The following EPB42 variants were observed in gnomAD, a reference collection of about 807,000 sequenced individuals.
EPB42 encodes protein 4.2.
In EPB42, 49 loss-of-function variants were observed where a neutral mutation model predicts 76.9. The ratio of observed to expected loss-of-function variants is 0.64; its 90% CI spans 0.51 to 0.81. EPB42 has a LOEUF of 0.81. Among genes scored for constraint, EPB42 ranks in the 30% least tolerant of loss-of-function variants. The pLI is 0.00. For synonymous variants in EPB42, 310 were observed against 338.4 expected, an observed-to-expected ratio of 0.92 and a Z score of 0.92; for missense variants, 731 against 867.6, an observed-to-expected ratio of 0.84 and a Z score of 1.98.
intron 4 of EPB42, among the ~76,000 whole-genome samples, 189 bp from the exon 5 acceptor site, chr15:43,210,628 TG>T (rs1243923228): frequency 6.6e-6 from 1 of 152,186 alleles, no homozygotes; most frequent in African/African-American, 2.4e-5. Flanking sequence ...AACCTCTCAA[TG>T]GGACCTGGGT....
chr15:43,220,649 A>AACCCC, intron 1 of EPB42, 167 bp downstream of exon 1: 31 of 388,206 alleles, frequency 8.0e-5, no homozygotes, highest in Admixed American at 1.6e-4. Flanking sequence ...CACCTACCAC[A>AACCCC]CCCCCCCCCC....
chr15:43,200,707 G>A (rs1477678679), intron 12 of EPB42, among the ~76,000 whole-genome samples: 2 of 152,174 alleles, frequency 1.3e-5, no homozygotes, highest in African/African-American at 2.4e-5. Flanking sequence ...GCTGGAGGGA[G>A]TGGAGACTCT....
At position 43,209,888 on chromosome 15, in the gene EPB42, A is replaced by C. The variant is rs149557186; in HGVS notation, c.655-437T>G. On this transcript the variant is annotated intron_variant, in intron 5 of 12. Transcript: ENST00000441366. ...GCGGCAAAGAGGGAATGGTGAACAC[A>C]TGACTCCTCTGAGAGGATTTTTAGG... Among the ~76,000 whole-genome samples the C allele has an allele frequency of 1.9e-4, 29 of 152,346 alleles. No homozygotes were observed. The East Asian group carries it at 5.6e-3, about 29-fold the overall frequency.
chr15:43,209,889 T>C (rs577982832), intron 5 of EPB42, among the ~76,000 whole-genome samples: 1 of 152,336 alleles, frequency 6.6e-6, no homozygotes, highest in African/African-American at 2.4e-5. Flanking sequence ...GGTGAACACA[T>C]GACTCCTCTG....
intron 1 of EPB42, among the ~76,000 whole-genome samples, chr15:43,217,518 C>G (rs558131589): frequency 6.8e-6 from 1 of 146,738 alleles, no homozygotes; most frequent in East Asian, 2.0e-4. Flanking sequence ...TCAGCAAGCG[C>G]AAGATAAGGA....
chr15:43,211,612 G>A, intron 3 of EPB42, 78 bp from the exon 4 acceptor site: 1 of 989,684 alleles, frequency 1.0e-6, no homozygotes, highest in Non-Finnish European at 1.6e-6. Flanking sequence ...TGTCCTCCCT[G>A]CCGAGATTAG....
chr15:43,200,610 C>A (rs967653185), intron 12 of EPB42, among the ~76,000 whole-genome samples: 1 of 152,126 alleles, frequency 6.6e-6, no homozygotes, highest in Non-Finnish European at 1.5e-5. Context: ...GATATTACTT[C>A]ATTTTTATTG....
chr15:43,221,705 G>A (rs1161165420), upstream of EPB42, among the ~76,000 whole-genome samples: 2 of 151,656 alleles, frequency 1.3e-5, no homozygotes, highest in Non-Finnish European at 2.9e-5. Context: ...AAAAATATTG[G>A]TTGCCTGTGG....
chr15:43,225,641 A>G (rs572404923), upstream of EPB42, among the ~76,000 whole-genome samples: 3 of 152,208 alleles, frequency 2.0e-5, no homozygotes, highest in Non-Finnish European at 4.4e-5. Flanking sequence ...CTTCTATTCC[A>G]GCAGGGGGAG....
chr15:43,202,004 G>A (rs1015783942), intron 11 of EPB42, 27 bp from the exon 12 acceptor site: 12 of 1,613,296 alleles, frequency 7.4e-6, no homozygotes, highest in African/African-American at 2.7e-5. Flanking sequence ...TACCTGGTGT[G>A]GATGCCAAGG....
At chr15:43,209,720 G>C in intron 5 of EPB42, 1 of 436,844 alleles carries the variant, frequency 2.3e-6, no homozygotes, top group Non-Finnish European at 4.1e-6. Flanking sequence ...CCCTTCCTTG[G>C]GGGCTGGTTT....
Position 43,211,396 on chromosome 15 carries a change from C to T in EPB42, c.549+20G>A. On this transcript the variant is annotated intron_variant, in intron 4 of 12. Transcript: ENST00000441366. ...TGGGACAGTCACTCTACACACTCCT[C>T]CCCTAGAGGGCCCTGGTACCTGGCC... 1 of 1,457,736 alleles carries T rather than the reference C, an allele frequency of 6.9e-7. No individual in the cohort carries two copies. 90.3% of individuals were successfully genotyped at this position (1,457,736 alleles called of 1,614,324 possible).
chr15:43,204,525 A>G (rs1317994343), intron 10 of EPB42, among the ~76,000 whole-genome samples: 2 of 152,088 alleles, frequency 1.3e-5, no homozygotes, highest in African/African-American at 4.8e-5. Flanking sequence ...TGCGTGTGTC[A>G]CGGGCTTTCA....
chr15:43,206,505 T>C lies in EPB42; in HGVS notation c.1443A>G (p.Ala481=). The C allele has an allele frequency of 6.2e-7, 1 of 1,614,032 alleles. No individual in the cohort carries two copies. The highest frequency in any genetic ancestry group is 8.5e-7 in the Non-Finnish European group (1 of 1,179,902). Residue 481 remains alanine, a synonymous_variant, in exon 10 of 13, where the codon GCA becomes GCG. Transcript: ENST00000441366. The surrounding 1 kb of genome is among the most constrained non-coding windows in gnomAD (Gnocchi z 4.7). The part of the protein sequence containing the change: ...TASPLYLLLK[A]PSSLPLRGDA... ...CCCCTCTCAGGGGTAGGGAGCTGGG[T>C]GCTTTCAAGAGCAGGTACAGAGGAC...
Position 43,206,234 on chromosome 15 carries a change from G to C in EPB42, c.1618+96C>G, listed in dbSNP as rs1196194236. ...GCAGGGGCTCAAAGCCATCTCTAGA[G>C]ACTGCAGGGGGTGCCCTGTGGCTGC... On this transcript the variant is annotated intron_variant, in intron 10 of 12. Transcript: ENST00000441366. The surrounding 1 kb of genome is among the most constrained non-coding windows in gnomAD (Gnocchi z 4.7). 4 of 1,317,600 alleles carry C rather than the reference G, an allele frequency of 3.0e-6. No homozygotes were observed. The highest frequency in any genetic ancestry group is 4.1e-6 in the Non-Finnish European group (4 of 972,026). 81.6% of individuals were successfully genotyped at this position (1,317,600 alleles called of 1,614,324 possible). A position where few individuals can be genotyped will look rare whatever the true frequency, so the allele number is the denominator to read the frequency against.
At chr15:43,204,073 C>T (rs77638071) in intron 10 of EPB42, among the ~76,000 whole-genome samples, 2,867 of 152,284 alleles carry the variant, frequency 0.019, 42 homozygotes, top group Middle Eastern at 0.031. Flanking sequence ...CAACTCTCTC[C>T]CTCTGCCCAG....
intron 12 of EPB42, among the ~76,000 whole-genome samples, chr15:43,200,532 C>G (rs2042109633): frequency 6.6e-6 from 1 of 152,152 alleles, no homozygotes; most frequent in Admixed American, 6.5e-5. Flanking sequence ...ATAAGACAAA[C>G]TACTTACTGA....
intron 4 of EPB42, 150 bp downstream of exon 4, chr15:43,211,266 A>G: frequency 1.3e-6 from 1 of 743,318 alleles, no homozygotes; most frequent in South Asian, 1.4e-5. Flanking sequence ...GATATGGCCC[A>G]GAGGAAGGAG....
Position 43,206,717 on chromosome 15 carries a change from A to T in EPB42, c.1319-88T>A. 1 of 1,492,866 alleles carries T rather than the reference A, an allele frequency of 6.7e-7. No individual in the cohort carries two copies. The highest frequency in any genetic ancestry group is 1.8e-5 in the Admixed American group (1 of 55,144). 92.5% of individuals were successfully genotyped at this position (1,492,866 alleles called of 1,614,324 possible). A position where few individuals can be genotyped will look rare whatever the true frequency, so the allele number is the denominator to read the frequency against. On this transcript the variant is annotated intron_variant, in intron 9 of 12. Transcript: ENST00000441366. This position sits in a 1 kb window ranked among gnomAD's most constrained non-coding sequence, Gnocchi z 4.7. ...CCCTGGGAATCAAAACCATTTACCC[A>T]CTTCTGCTCAAATGCCAAAGTCACA... is the stretch of plus-strand genomic sequence containing the variant.
Sources: gnomAD v4.1 joint callset for allele counts (sites outside exome capture counted in the v4.1 genomes callset) on GRCh38, gnomAD v4.1.1 for gene constraint, Gnocchi (gnomAD v3.1) non-coding constraint, MANE v1.5 for transcripts, NCBI Gene and HGNC (gene_info 2026-07-23, HGNC 2026-07-21) for gene names.